Variants in STIM1 observed in about 807,000 individuals in gnomAD.
The protein encoded by STIM1 is stromal interaction molecule 1.
A neutral mutation model predicts 74.7 loss-of-function variants in STIM1; 25 were observed. The ratio of observed to expected loss-of-function variants is 0.33; its 90% CI spans 0.24 to 0.47. The LOEUF (loss-of-function observed/expected upper bound fraction) is 0.47, where lower values mean the gene tolerates loss of function less well. STIM1 is among the 20% of genes least tolerant of loss of function. The pLI is 1.00. For missense variants in STIM1, 728 were observed against 920.8 expected, an observed-to-expected ratio of 0.79 and a Z score of 2.71; for synonymous variants, 328 against 348.8, an observed-to-expected ratio of 0.94 and a Z score of 0.66.
intron 12 of STIM1, chr11:4,088,869 T>C (rs1301908401): frequency 6.7e-5 from 60 of 898,066 alleles, no homozygotes; most frequent in Non-Finnish European, 9.7e-5. Flanking sequence ...TATATCTCCC[T>C]AGGCTTCCTC....
rs370282192 is a variant in STIM1, at chr11:3,940,425, A to G, written c.140-27127A>G. ...ATAAGGGGCTGAGAAGGTATAGCAG[A>G]AAGAGTGTATGCTTTAGAACTGTAG... On this transcript the variant is annotated intron_variant, in intron 1 of 12. Coordinates refer to ENST00000526596, the MANE Select transcript of STIM1 (RefSeq NM_001382567.1). 1.3e-4 allele frequency among the ~76,000 whole-genome samples: 20 copies of G among 152,350 alleles called. No individual in the cohort carries two copies. In the East Asian group the frequency reaches 3.7e-3, roughly 28 times the overall value.
At chr11:3,861,761 C>A (rs1303102382) in intron 1 of STIM1, among the ~76,000 whole-genome samples, 1 of 152,158 alleles carries the variant, frequency 6.6e-6, no homozygotes, top group Non-Finnish European at 1.5e-5. Flanking sequence ...CATCCAAATT[C>A]ACAGGCCTCC....
At chr11:4,060,635 G>A (rs1170979219) in intron 5 of STIM1, among the ~76,000 whole-genome samples, 3 of 152,074 alleles carry the variant, frequency 2.0e-5, no homozygotes, top group African/African-American at 7.2e-5. Flanking sequence ...TATGTAAGGC[G>A]TAGTCTCTGT....
intron 3 of STIM1, among the ~76,000 whole-genome samples, chr11:4,055,161 C>A (rs972076211): frequency 5.9e-5 from 9 of 152,120 alleles, no homozygotes; most frequent in African/African-American, 2.2e-4. Context: ...GAAGATACAC[C>A]TATTTTAAAT....
intron 1 of STIM1, among the ~76,000 whole-genome samples, chr11:3,913,215 G>A (rs1353957327): frequency 6.6e-6 from 1 of 151,886 alleles, no homozygotes; most frequent in African/African-American, 2.4e-5. Flanking sequence ...CTTAGGACAG[G>A]GTCTTGCTGT....
intron 5 of STIM1, among the ~76,000 whole-genome samples, chr11:4,067,776 T>G (rs1469333989): frequency 6.6e-6 from 1 of 152,268 alleles, no homozygotes; most frequent in Non-Finnish European, 1.5e-5. Context: ...TCCCTTCCTT[T>G]CTTATACGGA....
In STIM1 at chr11:4,005,596, G is replaced by A. The variant is rs188476244; in HGVS notation, c.271-18277G>A. On this transcript the variant is annotated intron_variant, in intron 2 of 12. Transcript: ENST00000526596. ...GACTGTTGTGGGGTGGGGGGAGGGG[G>A]GAGCGATAGCTTTAGGAGATATACC... is the stretch of plus-strand genomic sequence containing the variant. Among the ~76,000 whole-genome samples the A allele has an allele frequency of 8.2e-3, 1,237 of 149,940 alleles. 24 individuals are homozygous for A. The highest frequency in any genetic ancestry group is 0.029 in the African/African-American group (1,168 of 40,470).
At chr11:4,046,249 C>T (rs2133031431) in intron 3 of STIM1, among the ~76,000 whole-genome samples, 2 of 151,928 alleles carry the variant, frequency 1.3e-5, no homozygotes, top group Admixed American at 1.3e-4. Flanking sequence ...CCAGCTCTGT[C>T]ATCCTTCTTT....
intron 2 of STIM1, chr11:3,973,200 A>G (rs558137210): frequency 4.5e-6 from 2 of 444,280 alleles, no homozygotes; most frequent in South Asian, 1.7e-5. Flanking sequence ...CACCACCAGC[A>G]TGGCTGCTAC....
At chr11:3,931,246 A>G (rs2092856157) in intron 1 of STIM1, among the ~76,000 whole-genome samples, 1 of 152,244 alleles carries the variant, frequency 6.6e-6, no homozygotes, top group Non-Finnish European at 1.5e-5. Context: ...CAGCTGGAAG[A>G]GTATGCAAAG....
intron 1 of STIM1, among the ~76,000 whole-genome samples, chr11:3,962,255 C>T (rs1049923961): frequency 1.3e-5 from 2 of 152,132 alleles, no homozygotes; most frequent in Non-Finnish European, 2.9e-5. Context: ...GGCAACTTTT[C>T]GAAGTCTCCA....
At chr11:4,086,685 C>T (rs1269498656) in intron 12 of STIM1, 142 bp downstream of exon 12, 1 of 1,542,080 alleles carries the variant, frequency 6.5e-7, no homozygotes, top group Non-Finnish European at 8.7e-7. Flanking sequence ...CTTCTTGCTC[C>T]TCTTCCATCA....
chr11:3,911,559 A>C (rs1050538621), intron 1 of STIM1, among the ~76,000 whole-genome samples: 2 of 151,780 alleles, frequency 1.3e-5, no homozygotes, highest in African/African-American at 4.8e-5. Context: ...TAACTTTAAA[A>C]TTTTTTTTGT....
chr11:3,969,299 A>G (rs1271943291), intron 2 of STIM1, among the ~76,000 whole-genome samples: 2 of 151,978 alleles, frequency 1.3e-5, no homozygotes, highest in Non-Finnish European at 2.9e-5. Context: ...AGCCTGGACA[A>G]CACAGCGAGA....
At chr11:3,929,132 T>C (rs1374504363) in intron 1 of STIM1, among the ~76,000 whole-genome samples, 2 of 152,248 alleles carry the variant, frequency 1.3e-5, no homozygotes, top group Non-Finnish European at 2.9e-5. Context: ...ATTACAGGCA[T>C]ACATCTGGCC....
At chr11:3,858,373 CACTTAGGCCT>C (rs2090469246) in intron 1 of STIM1, among the ~76,000 whole-genome samples, 1 of 152,058 alleles carries the variant, frequency 6.6e-6, no homozygotes, top group Non-Finnish European at 1.5e-5. Context: ...CTGATTATAC[CACTTAGGCCT>C]ACTCATGCTC....
At chr11:4,036,702 G>T (rs575516945) in intron 3 of STIM1, among the ~76,000 whole-genome samples, 72 of 152,256 alleles carry the variant, frequency 4.7e-4, no homozygotes, top group African/African-American at 1.7e-3. Context: ...TAATGGGGTT[G>T]TTTATTTTTT....
At position 4,083,249 on chromosome 11, in the gene STIM1, T is replaced by C. The variant is rs1411000229; in HGVS notation, c.1239-14T>C. On this transcript the variant is annotated splice_polypyrimidine_tract_variant and intron_variant, in intron 9 of 12. Transcript: ENST00000526596. Reference sequence around the variant, plus strand: ...CCAAGTCCATGCCTGCAGTTCTCTTTCCTCTGTCTTCAGGCAAGCACTGAG... The same window carrying C: ...CCAAGTCCATGCCTGCAGTTCTCTTCCCTCTGTCTTCAGGCAAGCACTGAG... 6.2e-7 allele frequency: 1 copy of C among 1,613,580 alleles called. No individual in the cohort carries two copies.
intron 1 of STIM1, among the ~76,000 whole-genome samples, chr11:3,886,541 A>G (rs2091711075): frequency 6.6e-6 from 1 of 150,934 alleles, no homozygotes; most frequent in Admixed American, 6.6e-5. Context: ...ACAAGAAATT[A>G]GCCGGGTGTG....
Sources: gnomAD v4.1 joint callset for allele counts (sites outside exome capture counted in the v4.1 genomes callset) on GRCh38, gnomAD v4.1.1 for gene constraint, MANE v1.5 for transcripts, NCBI Gene and HGNC (gene_info 2026-07-23, HGNC 2026-07-21) for gene names.